Variants in JADE3 observed in about 807,000 individuals in gnomAD.
JADE3 encodes protein Jade-3.
A neutral mutation model predicts 50.1 loss-of-function variants in JADE3; 2 were observed. The observed-to-expected ratio is 0.04, with a 90% CI of 0.02 to 0.13. The LOEUF is 0.13. JADE3 is among the 10% of genes least tolerant of loss of function. The pLI, the probability that JADE3 is intolerant of heterozygous loss-of-function variation, is 1.00. For missense variants in JADE3, 475 were observed against 634.4 expected (o/e 0.75, Z 2.70); for synonymous variants, 218 against 232.9 (o/e 0.94, Z 0.58).
At chrX:47,006,066 G>A (rs1159284919) in intron 4 of JADE3, among the ~76,000 whole-genome samples, 1 of 111,781 alleles carries the variant, frequency 8.9e-6, no homozygotes, top group Non-Finnish European at 1.9e-5. Flanking sequence ...ACCAAAGACA[G>A]ATGCCGACAT....
chrX:46,965,307 G>A (rs920554995), intron 1 of JADE3, among the ~76,000 whole-genome samples: 28 of 111,508 alleles, frequency 2.5e-4, no homozygotes, highest in African/African-American at 8.5e-4. Flanking sequence ...CAGAGTGGCA[G>A]GCAGGAGAGC....
At chrX:46,983,169 A>G (rs982610117) in intron 1 of JADE3, among the ~76,000 whole-genome samples, 3 of 112,137 alleles carry the variant, frequency 2.7e-5, no homozygotes, top group Non-Finnish European at 5.6e-5. Context: ...TAGGCAGCCT[A>G]GGCTTGAACT....
At chrX:46,988,105 A>C (rs782244086) in intron 3 of JADE3, among the ~76,000 whole-genome samples, 50 of 111,599 alleles carry the variant, frequency 4.5e-4, no homozygotes, top group Non-Finnish European at 8.8e-4. Context: ...TTGTTTCCCA[A>C]ATTTAAACAA....
chrX:46,917,874 TCTCTCTCTCTCATC>T lies in JADE3; in HGVS notation c.-12+5167_-12+5180del, dbSNP rs1259579391. 2.3e-4 allele frequency among the ~76,000 whole-genome samples: 24 copies of T among 103,090 alleles called. No individual in the cohort carries two copies. In the South Asian group the frequency reaches 9.6e-3, roughly 41 times the overall value. The allele number at this position is 103,090 out of a possible 115,157, so 89.5% of individuals were successfully genotyped here. ...CTCTCTCATCCTCTCTCTCTCTCTC[TCTCTCTCTCTCATC>T]CTCTCTCTCTCTCATCCTCTCTCAT... On this transcript the variant is annotated intron_variant, in intron 1 of 10. Transcript: ENST00000614628.
intron 1 of JADE3, among the ~76,000 whole-genome samples, chrX:46,919,302 T>G (rs1299956341): frequency 2.7e-5 from 3 of 111,707 alleles, no homozygotes; most frequent in African/African-American, 9.8e-5. Flanking sequence ...TGTATTAGAC[T>G]CTACTAGATT....
chrX:46,973,900 A>G (rs1556351014), intron 1 of JADE3, among the ~76,000 whole-genome samples: 13 of 101,484 alleles, frequency 1.3e-4, no homozygotes, highest in African/African-American at 3.3e-4. Context: ...GACCAACATG[A>G]CAAAACCCCA....
intron 1 of JADE3, among the ~76,000 whole-genome samples, chrX:46,924,591 A>G (rs1437064216): frequency 8.9e-6 from 1 of 112,320 alleles, no homozygotes; most frequent in Non-Finnish European, 1.9e-5. Context: ...TGCATGGTAC[A>G]TAGAAACTCA....
chrX:46,935,369 T>G (rs1359093336), intron 1 of JADE3, among the ~76,000 whole-genome samples: 1 of 111,800 alleles, frequency 8.9e-6, no homozygotes, highest in Non-Finnish European at 1.9e-5. Flanking sequence ...CTCTTCTAGT[T>G]CTTTTGCTGT....
chrX:47,004,908 CT>C (rs1928375788), intron 4 of JADE3, among the ~76,000 whole-genome samples: 1 of 112,307 alleles, frequency 8.9e-6, no homozygotes, highest in African/African-American at 3.2e-5. Context: ...TCAATCTTGG[CT>C]AGACTTCTAC....
chrX:47,007,388 T>C (rs782279288), intron 4 of JADE3, among the ~76,000 whole-genome samples: 8 of 111,908 alleles, frequency 7.1e-5, no homozygotes, highest in Non-Finnish European at 1.3e-4. Context: ...GGTCTATAGC[T>C]ATAATCATGG....
chrX:46,966,319 A>G (rs2056295740), intron 1 of JADE3, among the ~76,000 whole-genome samples: 2 of 111,409 alleles, frequency 1.8e-5, no homozygotes, highest in African/African-American at 6.5e-5. Flanking sequence ...TTGTTGATGT[A>G]TCTTTCCTAT....
At chrX:46,939,527 G>A (rs1926706797) in intron 1 of JADE3, among the ~76,000 whole-genome samples, 2 of 111,521 alleles carry the variant, frequency 1.8e-5, no homozygotes, top group Non-Finnish European at 3.8e-5. Flanking sequence ...GACTAGAATG[G>A]AAGGAATTAA....
chrX:47,032,780 C>T (rs1422874770), intron 6 of JADE3, among the ~76,000 whole-genome samples: 2 of 110,687 alleles, frequency 1.8e-5, no homozygotes, highest in African/African-American at 3.3e-5. Context: ...TGTGGGGGGA[C>T]CGATATTATG....
At chrX:46,984,196 A>T (rs1927815633) in intron 1 of JADE3, among the ~76,000 whole-genome samples, 1 of 112,027 alleles carries the variant, frequency 8.9e-6, no homozygotes. Context: ...CAGAAGGGTG[A>T]TGCTTCTTTT....
chrX:47,009,964 G>A (rs2147142960), intron 4 of JADE3, among the ~76,000 whole-genome samples: 1 of 93,000 alleles, frequency 1.1e-5, no homozygotes, highest in African/African-American at 5.2e-5. Flanking sequence ...GATTTTTTTG[G>A]CCGGGCATCT....
chrX:46,961,627 A>G (rs1361587447), intron 1 of JADE3, among the ~76,000 whole-genome samples: 1 of 111,959 alleles, frequency 8.9e-6, no homozygotes, highest in Non-Finnish European at 1.9e-5. Context: ...AGACTGTGCA[A>G]TAATTTTCTT....
At chrX:46,930,534 C>T (rs191789922) in intron 1 of JADE3, among the ~76,000 whole-genome samples, 1 of 112,111 alleles carries the variant, frequency 8.9e-6, no homozygotes, top group East Asian at 2.8e-4. Context: ...GCTATATCCC[C>T]AGGGCCTAGA....
chrX:47,008,990 C>CTG (rs1928499014), intron 4 of JADE3, among the ~76,000 whole-genome samples: 1 of 110,286 alleles, frequency 9.1e-6, no homozygotes, highest in South Asian at 3.8e-4. Context: ...GAACAATCAT[C>CTG]ACAAGTAGAG....
At position 47,058,478 on chromosome X, in the gene JADE3, A is replaced by G. The variant is rs1556373938; in HGVS notation, c.1873A>G (p.Thr625Ala). The G allele has an allele frequency of 8.3e-7, 1 of 1,210,399 alleles. No individual in the cohort carries two copies. Among genetic ancestry groups the G allele is most frequent in the South Asian group, 1.8e-5 (1 of 56,902 alleles). ...AAAGGAGTCCAGTCCTGCTTGGAGA[A>G]CCCCGTCCTCGGAGTGCTATCATGG... Reference protein sequence around the residue: ...EAKESSPAWRTPSSECYHGQS... With the variant: ...EAKESSPAWRAPSSECYHGQS... The change falls in exon 11 of 11, where the codon ACC becomes GCC. Residue 625 changes from threonine (T) to alanine (A), a missense_variant. Around this residue, in one of 6 missense-constraint regions of JADE3, gnomAD observed 243 missense variants for 238.2 expected, o/e 1.02. Coordinates refer to ENST00000614628, the MANE Select transcript of JADE3 (RefSeq NM_014735.5).
Sources: allele counts gnomAD v4.1 joint callset (sites outside exome capture counted in the v4.1 genomes callset), GRCh38; gene constraint gnomAD v4.1.1; regional missense constraint gnomAD v4.1.1; transcripts MANE v1.5; gene names NCBI Gene and HGNC (gene_info 2026-07-23, HGNC 2026-07-21).